WDHD1: variants seen among roughly 807,000 people sequenced by gnomAD.
WDHD1 encodes the protein WD repeat and HMG-box DNA binding protein 1.
Under a neutral mutation model 135.4 loss-of-function variants are expected in WDHD1, and 111 were observed. The ratio of observed to expected loss-of-function variants is 0.82; its 90% CI spans 0.70 to 0.96. The LOEUF (loss-of-function observed/expected upper bound fraction) is 0.96, where lower values mean the gene tolerates loss of function less well. Among genes scored for constraint, WDHD1 ranks in the 40% least tolerant of loss-of-function variants. The pLI, the probability that WDHD1 is intolerant of heterozygous loss-of-function variation, is 0.00. For synonymous variants in WDHD1, 434 were observed against 439.0 expected (o/e 0.99, Z 0.14); for missense variants, 1,351 against 1,336.3 (o/e 1.01, Z -0.17).
chr14:55,019,769 T>C (rs946044248), intron 2 of WDHD1, among the ~76,000 whole-genome samples: 3 of 152,132 alleles, frequency 2.0e-5, no homozygotes, highest in Non-Finnish European at 4.4e-5. Flanking sequence ...CTTGGGAGGC[T>C]GAGGAGAGAG....
chr14:54,971,102 A>C (rs1368524339), intron 16 of WDHD1, among the ~76,000 whole-genome samples: 1 of 152,204 alleles, frequency 6.6e-6, no homozygotes, highest in African/African-American at 2.4e-5. Context: ...TGGATTAAAC[A>C]CTTAAATGTA....
chr14:54,942,716 CTT>C (rs1239881193), intron 25 of WDHD1, among the ~76,000 whole-genome samples: 1 of 152,190 alleles, frequency 6.6e-6, no homozygotes, highest in African/African-American at 2.4e-5. Flanking sequence ...TCTAAAATCT[CTT>C]TTAATCTATA....
intron 7 of WDHD1, chr14:55,005,444 G>A: frequency 5.3e-6 from 3 of 569,524 alleles, no homozygotes; most frequent in African/African-American, 1.9e-5. Flanking sequence ...CTTCGGACCA[G>A]TATTCCTGGA....
At position 55,025,399 on chromosome 14, in the gene WDHD1, T is replaced by C. The variant is rs938737795; in HGVS notation, c.77+1312A>G. Among the ~76,000 whole-genome samples the C allele has an allele frequency of 2.6e-5, 4 of 151,358 alleles. No individual in the cohort carries two copies. In the South Asian group the frequency reaches 8.6e-4, roughly 32 times the overall value. On this transcript the variant is annotated intron_variant, in intron 2 of 25. Coordinates refer to ENST00000360586, the MANE Select transcript of WDHD1 (RefSeq NM_007086.4). ...TGAACGCTGGTTCCCCGGGTCCCCT[T>C]ATTTCTTTCTCTATACTTAGTCTCT... is the stretch of plus-strand genomic sequence containing the variant.
chr14:54,976,739 A>C (rs1280463460), intron 16 of WDHD1, among the ~76,000 whole-genome samples: 6 of 152,142 alleles, frequency 3.9e-5, no homozygotes, highest in Admixed American at 3.9e-4. Context: ...ATACCAAAAA[A>C]TAAATAATAA....
At position 55,013,545 on chromosome 14, in the gene WDHD1, C is replaced by T. The variant is rs1464605798; in HGVS notation, c.129G>A (p.Leu43=). The T allele has an allele frequency of 2.5e-6, 4 of 1,613,862 alleles. No homozygotes were observed. The African/African-American group carries it at 5.3e-5, about 22-fold the overall frequency. The change falls in exon 3 of 26, where the codon TTG becomes TTA. Residue 43 remains leucine (L), a synonymous_variant. Coordinates refer to ENST00000360586, the MANE Select transcript of WDHD1 (RefSeq NM_007086.4). ...TAATGAACTTAGGATCATCATCATC[C>T]AAGTCTTCCCAAATCCTCACATCAC... ...SDGDVRIWED[L]DDDDPKFINV...
intron 16 of WDHD1, among the ~76,000 whole-genome samples, chr14:54,969,654 C>A (rs558166118): frequency 7.6e-4 from 116 of 152,234 alleles, no homozygotes; most frequent in Middle Eastern, 6.8e-3. Context: ...TGGTACCAGT[C>A]CTACTGAAAA....
At position 54,994,722 on chromosome 14, in the gene WDHD1, C is replaced by A. The variant is rs554005174; in HGVS notation, c.1153+881G>T. 5.3e-5 allele frequency among the ~76,000 whole-genome samples: 8 copies of A among 151,244 alleles called. No homozygotes were observed. The East Asian group carries it at 1.6e-3, about 30-fold the overall frequency. On this transcript the variant is annotated intron_variant, in intron 11 of 25. Coordinates refer to ENST00000360586, the MANE Select transcript of WDHD1 (RefSeq NM_007086.4). ...GTTGCAGTGAGCCAAAATCACACCA[C>A]CGCACTCCAGCCTGGGTGACAGAGT...
intron 11 of WDHD1, among the ~76,000 whole-genome samples, chr14:54,995,152 T>C (rs892652709): frequency 1.3e-5 from 2 of 152,056 alleles, no homozygotes; most frequent in African/African-American, 4.8e-5. Context: ...CAGCTAATTT[T>C]TGTATTTTTG....
intron 11 of WDHD1, among the ~76,000 whole-genome samples, chr14:54,991,623 T>C (rs975666876): frequency 1.3e-5 from 2 of 152,236 alleles, no homozygotes; most frequent in Admixed American, 6.5e-5. Context: ...CTAACTGTAT[T>C]AGTCGTTACT....
intron 23 of WDHD1, among the ~76,000 whole-genome samples, chr14:54,956,152 A>T (rs1190591337): frequency 6.6e-6 from 1 of 152,180 alleles, no homozygotes; most frequent in East Asian, 1.9e-4. Context: ...TCCGGGATCA[A>T]ATACTTATCA....
At chr14:55,003,259 C>T (rs1269078788) in intron 7 of WDHD1, among the ~76,000 whole-genome samples, 1 of 152,020 alleles carries the variant, frequency 6.6e-6, no homozygotes, top group Non-Finnish European at 1.5e-5. Context: ...CCTATAATCT[C>T]AGCACTTTGG....
intron 10 of WDHD1, among the ~76,000 whole-genome samples, chr14:54,999,839 T>C (rs117867527): frequency 0.025 from 3,759 of 152,282 alleles, 66 homozygotes; most frequent in South Asian, 0.04. Context: ...ACTCCTGGGC[T>C]CAAGCAATCC....
chr14:54,988,832 T>A (rs1011322794), intron 13 of WDHD1, among the ~76,000 whole-genome samples, 196 bp downstream of exon 13: 4 of 152,218 alleles, frequency 2.6e-5, no homozygotes, highest in African/African-American at 9.6e-5. Context: ...TTAGAGCATG[T>A]AATGAGGGAA....
intron 11 of WDHD1, 59 bp downstream of exon 11, chr14:54,995,544 A>T: frequency 7.5e-7 from 1 of 1,335,470 alleles, no homozygotes; most frequent in Non-Finnish European, 1.0e-6. Flanking sequence ...AATAGTGTTA[A>T]TAAAAAATCT....
chr14:55,004,732 C>T (rs370161456), intron 7 of WDHD1: 274 of 372,202 alleles, frequency 7.4e-4, no homozygotes, highest in African/African-American at 5.3e-3. Context: ...GGATTATGGG[C>T]GTGAGCCAGC....
At position 54,991,230 on chromosome 14, in the gene WDHD1, G is replaced by C. The variant is rs1388416561; in HGVS notation, c.1324C>G (p.Leu442Val). The C allele has an allele frequency of 1.3e-6, 2 of 1,595,708 alleles. No homozygotes were observed. Among genetic ancestry groups the C allele is most frequent in the Non-Finnish European group, 1.7e-6 (2 of 1,163,970 alleles). ...AGTCTTACCATGAATCTGTGAGTGA[G>C]ATGCAACGGTGTAGAACCTGACTGA... Reference protein sequence around the residue: ...PFQSGSTPLHLTHRFMVWNSI... With the variant: ...PFQSGSTPLHVTHRFMVWNSI... Residue 442 changes from leucine (L) to valine (V), a missense_variant, in exon 12 of 26, where the codon CTC becomes GTC. Leu to Val is a conservative substitution (Grantham distance 32). Around this residue, in one of 2 missense-constraint regions of WDHD1, gnomAD observed 1,330 missense variants for 1,296.1 expected, o/e 1.03. Transcript: ENST00000360586.
intron 17 of WDHD1, 44 bp downstream of exon 17, chr14:54,967,236 C>A: frequency 7.1e-7 from 1 of 1,408,202 alleles, no homozygotes; most frequent in Non-Finnish European, 1.0e-6. Flanking sequence ...ATCACAGGTG[C>A]TGTATTATCA....
chr14:54,998,605 T>C (rs747272781), intron 10 of WDHD1, among the ~76,000 whole-genome samples: 1 of 151,676 alleles, frequency 6.6e-6, no homozygotes, highest in Non-Finnish European at 1.5e-5. Context: ...ACTTCTTCCA[T>C]ACCTGTAAAT....
Sources: gnomAD v4.1 joint callset for allele counts (sites outside exome capture counted in the v4.1 genomes callset) on GRCh38, gnomAD v4.1.1 for gene constraint, gnomAD v4.1.1 regional missense constraint, MANE v1.5 for transcripts, NCBI Gene and HGNC (gene_info 2026-07-23, HGNC 2026-07-21) for gene names.